The following CYTH3 variants were observed in gnomAD, a reference collection of about 807,000 sequenced individuals.
CYTH3 encodes cytohesin 3.
CYTH3 carries 23 observed loss-of-function variants against 55.1 expected under a neutral mutation model. The ratio of observed to expected loss-of-function variants is 0.42; its 90% CI spans 0.30 to 0.59. The LOEUF (loss-of-function observed/expected upper bound fraction) is 0.59. Ranked by LOEUF, CYTH3 falls within the 20% of genes least tolerant of loss-of-function variation. The pLI, the probability that CYTH3 is intolerant of heterozygous loss-of-function variation, is 0.20. For missense variants in CYTH3, 413 were observed against 524.8 expected, an observed-to-expected ratio of 0.79 and a Z score of 2.08; for synonymous variants, 249 against 194.9, an observed-to-expected ratio of 1.28 and a Z score of -2.31.
chr7:6,200,475 A>G (rs904076793), intron 1 of CYTH3, among the ~76,000 whole-genome samples: 6 of 152,186 alleles, frequency 3.9e-5, no homozygotes, highest in African/African-American at 1.2e-4. Flanking sequence ...CATTTAACTC[A>G]CAACTGTGTA....
At chr7:6,199,252 A>G (rs1469080632) in intron 1 of CYTH3, among the ~76,000 whole-genome samples, 4 of 152,234 alleles carry the variant, frequency 2.6e-5, no homozygotes, top group Admixed American at 2.0e-4. Context: ...TCTATATTTT[A>G]GGTTCAGGTT....
chr7:6,268,928 C>T (rs1229645744), intron 1 of CYTH3, among the ~76,000 whole-genome samples: 1 of 152,174 alleles, frequency 6.6e-6, no homozygotes, highest in Admixed American at 6.5e-5. Context: ...GTTACCACTT[C>T]TCAAATAGAG....
Position 6,167,127 on chromosome 7 carries a change from G to A in CYTH3, c.824-1317C>T, listed in dbSNP as rs560606661. Among the ~76,000 whole-genome samples the A allele has an allele frequency of 2.0e-5, 3 of 152,138 alleles. No individual in the cohort carries two copies. The highest frequency in any genetic ancestry group is 2.9e-5 in the Non-Finnish European group (2 of 68,014). On this transcript the variant is annotated intron_variant, in intron 9 of 12. Coordinates refer to ENST00000350796, the MANE Select transcript of CYTH3 (RefSeq NM_004227.4). The surrounding 1 kb of genome is among the most constrained non-coding windows in gnomAD (Gnocchi z 5.5). ...CCTCACTGGTCCCCTTTAAGACCCA[G>A]CCAGGCCCACAGCAAGGCCCAAAGT...
intron 1 of CYTH3, among the ~76,000 whole-genome samples, chr7:6,226,551 C>T (rs1779256281): frequency 6.6e-6 from 1 of 152,118 alleles, no homozygotes; most frequent in African/African-American, 2.4e-5. Flanking sequence ...GGCTGAAGCC[C>T]CAGTGAGGAT....
chr7:6,233,360 G>A (rs1779435271), intron 1 of CYTH3, among the ~76,000 whole-genome samples: 2 of 152,124 alleles, frequency 1.3e-5, no homozygotes, highest in South Asian at 4.1e-4. Flanking sequence ...ACCAAATCCT[G>A]CCAATTCTAC....
intron 1 of CYTH3, among the ~76,000 whole-genome samples, chr7:6,251,198 C>G (rs565782403): frequency 2.0e-5 from 3 of 152,198 alleles, no homozygotes; most frequent in African/African-American, 7.2e-5. Context: ...TCGCGTGAAT[C>G]CAGGTGGCGG....
At position 6,162,573 on chromosome 7, in the gene CYTH3, C is replaced by T. The variant is rs1782867685; in HGVS notation, c.*2371G>A. 2 of 152,262 alleles carry T rather than the reference C, an allele frequency of 1.3e-5. No homozygotes were observed. The highest frequency in any genetic ancestry group is 1.3e-4 in the Admixed American group (2 of 15,288). The allele number at this position is 152,262 out of a possible 1,614,324, so 9.4% of individuals were successfully genotyped here. ...TCTGGACCAGGCCTGCCTCAAGGAT[C>T]AGCAGGCATGATGGTCGCACAGCCT... On this transcript the variant is annotated 3_prime_UTR_variant, in exon 13 of 13. Coordinates refer to ENST00000350796, the MANE Select transcript of CYTH3 (RefSeq NM_004227.4).
chr7:6,172,520 C>T (rs976811951), intron 6 of CYTH3, among the ~76,000 whole-genome samples: 1 of 152,090 alleles, frequency 6.6e-6, no homozygotes, highest in Non-Finnish European at 1.5e-5. Context: ...AGGACAAAAG[C>T]TAACATCCTC....
chr7:6,198,042 T>C (rs890951916), intron 1 of CYTH3, among the ~76,000 whole-genome samples: 1 of 145,014 alleles, frequency 6.9e-6, no homozygotes, highest in African/African-American at 2.6e-5. Flanking sequence ...TGCAGCGAGC[T>C]ATGACTGTGC....
In CYTH3 at chr7:6,165,869, A is replaced by C. The variant is rs371258543; in HGVS notation, c.824-59T>G. On this transcript the variant is annotated intron_variant, in intron 9 of 12. Coordinates refer to ENST00000350796, the MANE Select transcript of CYTH3 (RefSeq NM_004227.4). The stretch of plus-strand genomic sequence containing the variant: ...CGTGCACAGGGAGCCCGCGGGTCCA[A>C]GAGGGGGCCCTGGACCTGCACAGAC... The C allele has an allele frequency of 4.5e-6, 7 of 1,564,468 alleles. No homozygotes were observed. The South Asian group carries it at 7.8e-5, about 17-fold the overall frequency.
intron 1 of CYTH3, among the ~76,000 whole-genome samples, chr7:6,267,534 TTTTG>T (rs781656671): frequency 5.0e-4 from 76 of 152,330 alleles, no homozygotes; most frequent in South Asian, 1.7e-3. Flanking sequence ...TCCCAGAATA[TTTTG>T]TTTGTTTGTT....
intron 4 of CYTH3, among the ~76,000 whole-genome samples, chr7:6,178,993 A>G (rs1783411910): frequency 6.6e-6 from 1 of 152,238 alleles, no homozygotes; most frequent in African/African-American, 2.4e-5. Flanking sequence ...CCATTTCTAC[A>G]AATTCAGAGA....
At chr7:6,198,194 G>C (rs1389054288) in intron 1 of CYTH3, among the ~76,000 whole-genome samples, 1 of 152,040 alleles carries the variant, frequency 6.6e-6, no homozygotes, top group Admixed American at 6.6e-5. Context: ...GCATTACTAG[G>C]AAGTAACAGA....
chr7:6,191,186 G>A (rs1178682609), intron 1 of CYTH3, among the ~76,000 whole-genome samples: 5 of 152,064 alleles, frequency 3.3e-5, no homozygotes, highest in African/African-American at 7.2e-5. Context: ...GGTGGCTCAC[G>A]TCTCTAATCC....
chr7:6,207,862 A>G (rs1289441648), intron 1 of CYTH3, among the ~76,000 whole-genome samples: 1 of 143,538 alleles, frequency 7.0e-6, no homozygotes, highest in Non-Finnish European at 1.5e-5. Flanking sequence ...AGGTGGGAGG[A>G]TGGCTTAAAC....
At chr7:6,261,768 C>T (rs1159528723) in intron 1 of CYTH3, among the ~76,000 whole-genome samples, 3 of 150,396 alleles carry the variant, frequency 2.0e-5, no homozygotes, top group Non-Finnish European at 2.9e-5. Flanking sequence ...TCAAATGAAG[C>T]CAACAGGCAG....
chr7:6,272,446 G>C (rs915604188), intron 1 of CYTH3, 28 bp downstream of exon 1: 2 of 1,319,856 alleles, frequency 1.5e-6, no homozygotes, highest in Non-Finnish European at 2.0e-6. Flanking sequence ...CAGGCCGCCG[G>C]CGAGCCCACC....
At chr7:6,214,651 C>G (rs574116942) in intron 1 of CYTH3, among the ~76,000 whole-genome samples, 1 of 152,274 alleles carries the variant, frequency 6.6e-6, no homozygotes, top group Non-Finnish European at 1.5e-5. Context: ...AGCATACTCT[C>G]ACCAAACCAT....
intron 1 of CYTH3, among the ~76,000 whole-genome samples, chr7:6,256,225 G>C (rs1409629271): frequency 1.3e-5 from 2 of 152,196 alleles, no homozygotes; most frequent in Non-Finnish European, 2.9e-5. Context: ...CCTACAGCAA[G>C]TCCTGAGACT....
Sources: allele counts gnomAD v4.1 joint callset (sites outside exome capture counted in the v4.1 genomes callset), GRCh38; gene constraint gnomAD v4.1.1; non-coding constraint Gnocchi (gnomAD v3.1); transcripts MANE v1.5; gene names NCBI Gene and HGNC (gene_info 2026-07-23, HGNC 2026-07-21).